Variants in UNC79 observed in about 807,000 individuals in gnomAD.
UNC79 encodes the protein unc-79 subunit of NALCN channel complex.
In UNC79, 37 loss-of-function variants were observed where a neutral mutation model predicts 283.1. The ratio of observed to expected loss-of-function variants is 0.13; its 90% CI spans 0.10 to 0.17. The LOEUF (loss-of-function observed/expected upper bound fraction) is 0.17. Among genes scored for constraint, UNC79 ranks in the 10% least tolerant of loss-of-function variants. The pLI is 1.00. For synonymous variants in UNC79, 1,107 were observed against 1,200.2 expected (o/e 0.92, Z 1.61); for missense variants, 2,272 against 3,211.1 (o/e 0.71, Z 7.07).
chr14:93,620,381 C>T (rs1471903435), intron 29 of UNC79, among the ~76,000 whole-genome samples: 1 of 152,104 alleles, frequency 6.6e-6, no homozygotes, highest in Non-Finnish European at 1.5e-5. Flanking sequence ...GCATTCACAC[C>T]GTATAAGGTG....
chr14:93,645,517 G>C (rs2069502823), intron 34 of UNC79, among the ~76,000 whole-genome samples: 1 of 152,120 alleles, frequency 6.6e-6, no homozygotes. Flanking sequence ...ACTTCATCAC[G>C]AAGAACAGAT....
intron 41 of UNC79, among the ~76,000 whole-genome samples, chr14:93,679,457 C>CT (rs2073647275): frequency 6.7e-6 from 1 of 148,564 alleles, no homozygotes; most frequent in Non-Finnish European, 1.5e-5. Context: ...GATTCCATCT[C>CT]AAAAAAAAAA....
intron 1 of UNC79, among the ~76,000 whole-genome samples, chr14:93,338,308 T>C (rs555440344): frequency 2.0e-5 from 3 of 152,134 alleles, no homozygotes; most frequent in African/African-American, 7.2e-5. Flanking sequence ...CCAGTCCATC[T>C]CTTGCCATGT....
chr14:93,690,754 G>T lies in UNC79; in HGVS notation c.7272+451G>T. On this transcript the variant is annotated intron_variant, in intron 45 of 48. Transcript: ENST00000555664. The surrounding 1 kb of genome is among the most constrained non-coding windows in gnomAD (Gnocchi z 4.3). ...AAATGAAAACAAGAAGGCCAGTTGG[G>T]AACTCACTAAAGCACACATTGGCAT... 6.1e-6 allele frequency: 1 copy of T among 163,292 alleles called. No individual in the cohort carries two copies. The highest frequency in any genetic ancestry group is 1.3e-5 in the Non-Finnish European group (1 of 75,198). The allele number at this position is 163,292 out of a possible 1,614,324, so 10.1% of individuals were successfully genotyped here. A position where few individuals can be genotyped will look rare whatever the true frequency, so the allele number is the denominator to read the frequency against.
intron 47 of UNC79, among the ~76,000 whole-genome samples, chr14:93,702,477 C>A (rs528597949): frequency 6.6e-6 from 1 of 152,294 alleles, no homozygotes; most frequent in African/African-American, 2.4e-5. Context: ...TTATATACAT[C>A]AACAGAATGT....
At chr14:93,616,339 A>G (rs944710674) in intron 27 of UNC79, among the ~76,000 whole-genome samples, 27 of 146,394 alleles carry the variant, frequency 1.8e-4, no homozygotes, top group African/African-American at 6.3e-4. Flanking sequence ...ATTAGACGGT[A>G]TATGCTTTTT....
Position 93,629,737 on chromosome 14 carries a change from C to T in UNC79, c.5609-1064C>T, listed in dbSNP as rs147202218. On this transcript the variant is annotated intron_variant, in intron 30 of 48. Transcript: ENST00000555664. ...TGTTTGTATGAATGTATGAGGTTTG[C>T]TCTCTGGCAAGAAAAAACAATTTGC... Among the ~76,000 whole-genome samples the T allele has an allele frequency of 6.2e-3, 939 of 152,266 alleles. 7 individuals are homozygous for T. The highest frequency in any genetic ancestry group is 0.041 in the Middle Eastern group (12 of 294).
intron 14 of UNC79, among the ~76,000 whole-genome samples, chr14:93,545,856 T>C (rs1374011072): frequency 6.6e-6 from 1 of 152,178 alleles, no homozygotes; most frequent in Non-Finnish European, 1.5e-5. Flanking sequence ...ATCAGTCTCA[T>C]CAAAGGCTTG....
intron 3 of UNC79, among the ~76,000 whole-genome samples, chr14:93,477,142 C>T (rs967974992): frequency 3.3e-5 from 5 of 152,066 alleles, no homozygotes; most frequent in South Asian, 2.1e-4. Context: ...CCTCATTGCC[C>T]GACACTCCAG....
chr14:93,467,666 T>TTTTTTTTTGTTG lies in UNC79; in HGVS notation c.23-5_23-4insTTTTTTTTGTTG. Reference sequence around the variant, plus strand: ...TTTTTTTTTTTTTTTTTTGCTTTTATCTAGTTGCTTCCAAGATCCGGTACT... The same window carrying TTTTTTTTTGTTG: ...TTTTTTTTTTTTTTTTTTGCTTTTATTTTTTTTTGTTGCTAGTTGCTTCCAAGATCCGGTACT... On this transcript the variant is annotated splice_region_variant and splice_polypyrimidine_tract_variant and intron_variant, in intron 1 of 48. Coordinates refer to ENST00000555664, the Ensembl canonical transcript of UNC79. 1 of 1,232,236 alleles carries TTTTTTTTTGTTG rather than the reference T, an allele frequency of 8.1e-7. No homozygotes were observed. The highest frequency in any genetic ancestry group is 1.0e-6 in the Non-Finnish European group (1 of 980,968). 76.3% of individuals were successfully genotyped at this position (1,232,236 alleles called of 1,614,324 possible). A position where few individuals can be genotyped will look rare whatever the true frequency, so the allele number is the denominator to read the frequency against.
At chr14:93,354,386 A>C (rs540506583) in intron 1 of UNC79, among the ~76,000 whole-genome samples, 1 of 152,266 alleles carries the variant, frequency 6.6e-6, no homozygotes, top group African/African-American at 2.4e-5. Context: ...GGAAATGCTC[A>C]TTGGAGCATT....
At chr14:93,498,070 G>T (rs899952641) in intron 7 of UNC79, among the ~76,000 whole-genome samples, 1 of 151,902 alleles carries the variant, frequency 6.6e-6, no homozygotes, top group African/African-American at 2.4e-5. Flanking sequence ...TGAGATGGGC[G>T]GTTCGCCTGA....
At chr14:93,571,910 A>G in exon 15 of UNC79, 1 of 1,613,966 alleles carries the variant, frequency 6.2e-7, no homozygotes, top group Non-Finnish European at 8.5e-7. Flanking sequence ...GGCTACTGGG[A>G]TAAGTCCTGT....
At chr14:93,495,141 T>C (rs1229953384) in intron 5 of UNC79, among the ~76,000 whole-genome samples, 2 of 152,206 alleles carry the variant, frequency 1.3e-5, no homozygotes, top group Admixed American at 1.3e-4. Context: ...ATCTTGCTTT[T>C]GTAGTCTGTG....
chr14:93,492,010 C>T (rs1023626524), intron 5 of UNC79, among the ~76,000 whole-genome samples: 3 of 152,164 alleles, frequency 2.0e-5, no homozygotes, highest in Non-Finnish European at 2.9e-5. Flanking sequence ...GCACAACTGG[C>T]AACTTGATCC....
At chr14:93,342,323 G>T (rs748061154) in intron 1 of UNC79, among the ~76,000 whole-genome samples, 1 of 152,210 alleles carries the variant, frequency 6.6e-6, no homozygotes, top group Admixed American at 6.5e-5. Context: ...CTGAAGCAAT[G>T]ACTCAAGCTC....
rs8006333 is a variant in UNC79, at chr14:93,531,514, C to T, written c.1094-1036C>T. 0.53 allele frequency among the ~76,000 whole-genome samples: 81,027 copies of T among 152,056 alleles called. 21,967 individuals carry two copies. Among genetic ancestry groups the T allele is most frequent in the Admixed American group, 0.63 (9,628 of 15,298 alleles). On this transcript the variant is annotated intron_variant, in intron 10 of 48. Coordinates refer to ENST00000555664, the Ensembl canonical transcript of UNC79. This position sits in a 1 kb window ranked among gnomAD's most constrained non-coding sequence, Gnocchi z 4.2. ...ATTGATGTGCCCACTGAAAAGAATT[C>T]TTATGCATTCATTATGTAGACAGTA...
rs1000771045 is a variant in UNC79, at chr14:93,474,782, T to C, written c.448+389T>C. Among the ~76,000 whole-genome samples, 1 of 152,218 alleles carries C rather than the reference T, an allele frequency of 6.6e-6. No individual in the cohort carries two copies. The highest frequency in any genetic ancestry group is 2.4e-5 in the African/African-American group (1 of 41,456). On this transcript the variant is annotated intron_variant, in intron 3 of 48. Coordinates refer to ENST00000555664, the Ensembl canonical transcript of UNC79. This position sits in a 1 kb window ranked among gnomAD's most constrained non-coding sequence, Gnocchi z 4.1. ...GCATGAAGAGCAGGCTATAATCCAC[T>C]GACTGATTCGGTAATTTTTGAGGGA...
intron 1 of UNC79, among the ~76,000 whole-genome samples, chr14:93,364,210 G>A (rs557549181): frequency 6.6e-6 from 1 of 152,188 alleles, no homozygotes; most frequent in African/African-American, 2.4e-5. Context: ...GCAAGAAACA[G>A]AACATTACCA....
Sources: allele counts gnomAD v4.1 joint callset (sites outside exome capture counted in the v4.1 genomes callset), GRCh38; gene constraint gnomAD v4.1.1; non-coding constraint Gnocchi (gnomAD v3.1); transcripts MANE v1.5; gene names NCBI Gene and HGNC (gene_info 2026-07-23, HGNC 2026-07-21).